The following AHCYL2 variants were observed in gnomAD, a reference collection of about 807,000 sequenced individuals.
AHCYL2 encodes the protein S-adenosylhomocysteine hydrolase-like protein 2.
A neutral mutation model predicts 81.4 loss-of-function variants in AHCYL2; 28 were observed. The ratio of observed to expected loss-of-function variants is 0.34; its 90% CI spans 0.25 to 0.47. The LOEUF (loss-of-function observed/expected upper bound fraction) is 0.47, where lower values mean the gene tolerates loss of function less well. AHCYL2 is among the 20% of genes least tolerant of loss of function. The pLI is 1.00. For missense variants in AHCYL2, 551 were observed against 785.1 expected (o/e 0.70, Z 3.56); for synonymous variants, 272 against 290.2 (o/e 0.94, Z 0.64).
intron 1 of AHCYL2, among the ~76,000 whole-genome samples, chr7:129,291,133 T>G (rs184753569): frequency 8.9e-4 from 135 of 152,202 alleles, no homozygotes; most frequent in African/African-American, 3.1e-3. Flanking sequence ...TCCCCTCAGG[T>G]TCTTTTCTCT....
At chr7:129,238,724 G>GC (rs1350450351) in intron 1 of AHCYL2, among the ~76,000 whole-genome samples, 1 of 152,188 alleles carries the variant, frequency 6.6e-6, no homozygotes, top group South Asian at 2.1e-4. Flanking sequence ...GGCCGAAGCA[G>GC]CAGATCACTT....
intron 1 of AHCYL2, among the ~76,000 whole-genome samples, chr7:129,312,468 G>A (rs1406459802): frequency 1.3e-5 from 2 of 152,046 alleles, no homozygotes; most frequent in African/African-American, 2.4e-5. Context: ...GTGTGCAGTG[G>A]TGCCATCATA....
chr7:129,238,559 A>G (rs2150685244), intron 1 of AHCYL2, among the ~76,000 whole-genome samples: 1 of 152,320 alleles, frequency 6.6e-6, no homozygotes, highest in East Asian at 1.9e-4. Context: ...ATAACTAAAT[A>G]CAGTGTAGTT....
intron 4 of AHCYL2, 34 bp from the exon 5 acceptor site, chr7:129,397,188 G>C (rs17168750): frequency 0.35 from 549,970 of 1,578,676 alleles, 100,873 homozygotes; most frequent in East Asian, 0.6. Flanking sequence ...GTTTGGCCCA[G>C]GCTTGCTCAT....
At chr7:129,293,132 G>A (rs1243690098) in intron 1 of AHCYL2, among the ~76,000 whole-genome samples, 1 of 113,962 alleles carries the variant, frequency 8.8e-6, no homozygotes, top group African/African-American at 3.1e-5. Flanking sequence ...GTTGATCAGT[G>A]AAGACAGAGT....
chr7:129,260,254 ACTGT>A (rs1465939560), intron 1 of AHCYL2, among the ~76,000 whole-genome samples: 2 of 152,138 alleles, frequency 1.3e-5, no homozygotes, highest in Non-Finnish European at 2.9e-5. Flanking sequence ...CTCTTGTATA[ACTGT>A]CTTTGTTGGC....
chr7:129,285,264 T>C (rs1043320269), intron 1 of AHCYL2, among the ~76,000 whole-genome samples: 45 of 152,230 alleles, frequency 3.0e-4, no homozygotes, highest in Non-Finnish European at 5.3e-4. Context: ...TTCTCTCCCA[T>C]CTGAGGCCTC....
At chr7:129,342,051 TAAGAG>T (rs766782744) in intron 1 of AHCYL2, among the ~76,000 whole-genome samples, 26 of 152,234 alleles carry the variant, frequency 1.7e-4, no homozygotes, top group Admixed American at 3.3e-4. Flanking sequence ...ACTTTGGCAT[TAAGAG>T]AAGGGAAGGA....
chr7:129,421,119 G>A (rs747254437), intron 12 of AHCYL2, among the ~76,000 whole-genome samples: 1 of 152,098 alleles, frequency 6.6e-6, no homozygotes, highest in Non-Finnish European at 1.5e-5. Context: ...GGGCATGATG[G>A]CAGGTGCCTA....
At chr7:129,293,006 G>A (rs1796921920) in intron 1 of AHCYL2, among the ~76,000 whole-genome samples, 1 of 151,954 alleles carries the variant, frequency 6.6e-6, no homozygotes, top group South Asian at 2.1e-4. Flanking sequence ...TTAGAGATGG[G>A]GTCTCACTGT....
At chr7:129,367,592 A>G (rs940290216) in intron 1 of AHCYL2, among the ~76,000 whole-genome samples, 2 of 152,150 alleles carry the variant, frequency 1.3e-5, no homozygotes, top group Non-Finnish European at 2.9e-5. Context: ...AAAATCCAGC[A>G]TTGGTTAGGG....
intron 12 of AHCYL2, 75 bp downstream of exon 12, chr7:129,413,763 G>A (rs912738801): frequency 1.6e-6 from 2 of 1,243,344 alleles, no homozygotes; most frequent in African/African-American, 3.0e-5. Context: ...TGAGAGAGCA[G>A]GGTCACAAGC....
At chr7:129,285,791 A>C (rs1442642356) in intron 1 of AHCYL2, among the ~76,000 whole-genome samples, 1 of 147,568 alleles carries the variant, frequency 6.8e-6, no homozygotes, top group African/African-American at 2.5e-5. Flanking sequence ...GCTAACTGCA[A>C]CCTTCACCTC....
At chr7:129,231,440 C>G (rs532362284) in intron 1 of AHCYL2, among the ~76,000 whole-genome samples, 1 of 151,960 alleles carries the variant, frequency 6.6e-6, no homozygotes, top group East Asian at 1.9e-4. Flanking sequence ...CCCTCCCCCA[C>G]GAGAGAAAAA....
At chr7:129,353,767 A>G (rs74355411) in intron 1 of AHCYL2, among the ~76,000 whole-genome samples, 3,445 of 151,046 alleles carry the variant, frequency 0.023, 68 homozygotes, top group Admixed American at 0.055. Flanking sequence ...AGCCATGGAT[A>G]CAGGTAAGAG....
intron 7 of AHCYL2, among the ~76,000 whole-genome samples, chr7:129,403,860 CAA>C (rs34806455): frequency 3.7e-5 from 3 of 80,216 alleles, no homozygotes; most frequent in Non-Finnish European, 8.0e-5. Context: ...GACTCCATCT[CAA>C]AAAAAAAAAA....
Position 129,406,306 on chromosome 7 carries a change from C to A in AHCYL2, c.1207-72C>A. 1 of 1,434,256 alleles carries A rather than the reference C, an allele frequency of 7.0e-7. No homozygotes were observed. Among genetic ancestry groups the A allele is most frequent in the Non-Finnish European group, 9.8e-7 (1 of 1,020,624 alleles). The allele number at this position is 1,434,256 out of a possible 1,614,324, so 88.8% of individuals were successfully genotyped here. A position where few individuals can be genotyped will look rare whatever the true frequency, so the allele number is the denominator to read the frequency against. On this transcript the variant is annotated intron_variant, in intron 9 of 16. Transcript: ENST00000325006. This position sits in a 1 kb window ranked among gnomAD's most constrained non-coding sequence, Gnocchi z 4.3. ...CTCGGGGGTGGAAAGAGGGGGTGCACTTTACCAGAAGCTTTGAGAAATGGT... is the reference window on the plus strand; with the variant it reads ...CTCGGGGGTGGAAAGAGGGGGTGCAATTTACCAGAAGCTTTGAGAAATGGT...
chr7:129,315,435 A>T (rs1797798447), intron 1 of AHCYL2, among the ~76,000 whole-genome samples: 1 of 152,044 alleles, frequency 6.6e-6, no homozygotes, highest in Admixed American at 6.6e-5. Context: ...TGCATCCCAC[A>T]TGTTCAGCAC....
chr7:129,387,105 A>G (rs1223486444), intron 2 of AHCYL2, among the ~76,000 whole-genome samples: 14 of 152,200 alleles, frequency 9.2e-5, no homozygotes. Context: ...TTCTCCTATT[A>G]TATAGTCTTA....
Sources: gnomAD v4.1 joint callset for allele counts (sites outside exome capture counted in the v4.1 genomes callset) on GRCh38, gnomAD v4.1.1 for gene constraint, Gnocchi (gnomAD v3.1) non-coding constraint, MANE v1.5 for transcripts, NCBI Gene and HGNC (gene_info 2026-07-23, HGNC 2026-07-21) for gene names.